Variants in SRGAP3 observed in about 807,000 individuals in gnomAD.
The protein encoded by SRGAP3 is SLIT-ROBO Rho GTPase-activating protein 3.
Under a neutral mutation model 121.1 loss-of-function variants are expected in SRGAP3, and 39 were observed. The ratio of observed to expected loss-of-function variants is 0.32; its 90% CI spans 0.25 to 0.42. The LOEUF is 0.42. Ranked by LOEUF, SRGAP3 falls within the 10% of genes least tolerant of loss-of-function variation. SRGAP3 has a pLI of 1.00. For synonymous variants in SRGAP3, 601 were observed against 570.0 expected, an observed-to-expected ratio of 1.05 and a Z score of -0.77; for missense variants, 1,213 against 1,470.6, an observed-to-expected ratio of 0.82 and a Z score of 2.86.
intron 4 of SRGAP3, among the ~76,000 whole-genome samples, chr3:9,069,162 A>G (rs1299997665): frequency 6.6e-6 from 1 of 152,150 alleles, no homozygotes; most frequent in Non-Finnish European, 1.5e-5. Context: ...TCTCAACTGT[A>G]AAACAGGGGT....
intron 3 of SRGAP3, among the ~76,000 whole-genome samples, chr3:9,319,833 G>A (rs1955411111): frequency 6.6e-6 from 1 of 151,906 alleles, no homozygotes; most frequent in Non-Finnish European, 1.5e-5. Flanking sequence ...GGTTGAGCAG[G>A]AACATGACTG....
intron 10 of SRGAP3, 81 bp downstream of exon 10, chr3:9,047,310 C>T: frequency 1.4e-6 from 2 of 1,438,650 alleles, no homozygotes; most frequent in South Asian, 1.2e-5. Flanking sequence ...CAAGCCTGAA[C>T]AGCTCAACAC....
intron 2 of SRGAP3, among the ~76,000 whole-genome samples, chr3:9,119,624 G>A (rs998508590): frequency 7.2e-5 from 11 of 152,232 alleles, no homozygotes; most frequent in African/African-American, 2.7e-4. Context: ...AGCTGAGCTA[G>A]GGCTGAGACA....
chr3:9,359,000 T>A (rs1269082391), intron 1 of SRGAP3, among the ~76,000 whole-genome samples: 1 of 152,164 alleles, frequency 6.6e-6, no homozygotes, highest in Non-Finnish European at 1.5e-5. Flanking sequence ...AATATCCCAA[T>A]GGGGTTCAGA....
At chr3:9,307,659 C>G (rs1955180175) in intron 3 of SRGAP3, among the ~76,000 whole-genome samples, 1 of 152,054 alleles carries the variant, frequency 6.6e-6, no homozygotes, top group African/African-American at 2.4e-5. Flanking sequence ...GCTGCTGAGA[C>G]AAAAGAAAAG....
At chr3:9,108,750 G>T (rs139911768) in intron 2 of SRGAP3, among the ~76,000 whole-genome samples, 3 of 152,334 alleles carry the variant, frequency 2.0e-5, no homozygotes, top group African/African-American at 7.2e-5. Flanking sequence ...TGGATGGGTA[G>T]GTGGGTGGGT....
At chr3:9,316,485 C>T (rs543178645) in intron 3 of SRGAP3, among the ~76,000 whole-genome samples, 31 of 151,950 alleles carry the variant, frequency 2.0e-4, no homozygotes, top group Non-Finnish European at 2.5e-4. Flanking sequence ...GGTGAAACCC[C>T]GTCTCTACTA....
chr3:9,309,392 C>T (rs1042546634), intron 3 of SRGAP3, among the ~76,000 whole-genome samples: 1 of 152,204 alleles, frequency 6.6e-6, no homozygotes, highest in Non-Finnish European at 1.5e-5. Flanking sequence ...TTCCTCTATG[C>T]ACTTTAGTTA....
intron 10 of SRGAP3, among the ~76,000 whole-genome samples, chr3:9,044,932 T>A (rs1945186435): frequency 6.6e-6 from 1 of 152,182 alleles, no homozygotes. Flanking sequence ...TCTACCTGTA[T>A]CTTTATCGTG....
At chr3:9,132,956 AC>A (rs771317315) in intron 1 of SRGAP3, among the ~76,000 whole-genome samples, 6 of 151,232 alleles carry the variant, frequency 4.0e-5, no homozygotes, top group Non-Finnish European at 7.4e-5. Flanking sequence ...CAACCAAACT[AC>A]CATGATCGTG....
At chr3:9,137,377 C>A (rs1219798311) in intron 1 of SRGAP3, among the ~76,000 whole-genome samples, 1 of 152,202 alleles carries the variant, frequency 6.6e-6, no homozygotes, top group Admixed American at 6.5e-5. Context: ...TGGGGGAACA[C>A]ATATGCTGGG....
At chr3:9,347,304 G>A (rs1490440940) in intron 1 of SRGAP3, among the ~76,000 whole-genome samples, 2 of 152,170 alleles carry the variant, frequency 1.3e-5, no homozygotes, top group Non-Finnish European at 2.9e-5. Flanking sequence ...GGGACCACAG[G>A]CATGCACCAC....
chr3:9,072,670 T>C (rs1003322976), intron 4 of SRGAP3, among the ~76,000 whole-genome samples: 1 of 152,170 alleles, frequency 6.6e-6, no homozygotes, highest in Non-Finnish European at 1.5e-5. Flanking sequence ...TTCCTCAAAC[T>C]CCACACCTTC....
At chr3:9,001,576 C>A (rs1334839523) in intron 18 of SRGAP3, among the ~76,000 whole-genome samples, 1 of 151,894 alleles carries the variant, frequency 6.6e-6, no homozygotes, top group Non-Finnish European at 1.5e-5. Context: ...GACAAAAATC[C>A]AACTATATAA....
chr3:8,991,542 G>A (rs971396323), intron 20 of SRGAP3, among the ~76,000 whole-genome samples: 3 of 152,166 alleles, frequency 2.0e-5, no homozygotes, highest in African/African-American at 4.8e-5. Context: ...TGTGTCTGCC[G>A]CGTGCTTTCC....
intron 18 of SRGAP3, among the ~76,000 whole-genome samples, chr3:9,001,415 A>G (rs1157736370): frequency 6.6e-6 from 1 of 152,256 alleles, no homozygotes; most frequent in African/African-American, 2.4e-5. Flanking sequence ...ACTCAAAAAT[A>G]TAGTGAAAAC....
In SRGAP3 at chr3:9,323,800, C is replaced by CAT. The variant is rs202098654; in HGVS notation, n.442+2209_442+2210insAT. Among the ~76,000 whole-genome samples the CAT allele has an allele frequency of 1.4e-3, 151 of 111,572 alleles. 2 individuals carry two copies. The East Asian group carries it at 0.017, about 13-fold the overall frequency. The allele number at this position is 111,572 out of a possible 152,430, so 73.2% of individuals were successfully genotyped here. The stretch of plus-strand genomic sequence containing the variant: ...CAAATGTCTCTCCCTGTGTATCTAA[C>CAT]ACACACACACACACACACACACACA... On this transcript the variant is annotated intron_variant and non_coding_transcript_variant, in intron 3 of 3. Transcript: ENST00000490889.
chr3:9,034,744 T>C (rs1199390602), intron 11 of SRGAP3: 1 of 152,184 alleles, frequency 6.6e-6, no homozygotes, highest in East Asian at 1.9e-4. Flanking sequence ...TTTTTGAGGA[T>C]GTATGTATGT....
At chr3:9,147,248 C>T (rs1950055045) in intron 1 of SRGAP3, among the ~76,000 whole-genome samples, 1 of 152,146 alleles carries the variant, frequency 6.6e-6, no homozygotes, top group Non-Finnish European at 1.5e-5. Flanking sequence ...GCCAGGCCCC[C>T]ACCTTGATTT....
Sources: allele counts gnomAD v4.1 joint callset (sites outside exome capture counted in the v4.1 genomes callset), GRCh38; gene constraint gnomAD v4.1.1; transcripts MANE v1.5; gene names NCBI Gene and HGNC (gene_info 2026-07-23, HGNC 2026-07-21).